Variants in ADAMTS3 observed in about 807,000 individuals in gnomAD.
ADAMTS3 encodes the protein ADAM metallopeptidase with thrombospondin type 1 motif 3.
In ADAMTS3, 73 loss-of-function variants were observed where a neutral mutation model predicts 129.0. That is an observed-to-expected ratio of 0.57 (90% confidence interval 0.47 to 0.69). ADAMTS3 has a LOEUF of 0.69. ADAMTS3 is among the 30% of genes least tolerant of loss of function. The pLI is 0.00. For missense variants in ADAMTS3, 1,457 were observed against 1,514.5 expected, an observed-to-expected ratio of 0.96 and a Z score of 0.63; for synonymous variants, 477 against 510.8, an observed-to-expected ratio of 0.93 and a Z score of 0.89.
intron 17 of ADAMTS3, among the ~76,000 whole-genome samples, chr4:72,299,051 T>TTG (rs1273918691): frequency 1.6e-5 from 2 of 122,294 alleles, no homozygotes; most frequent in African/African-American, 7.0e-5. Flanking sequence ...GATATTTGCA[T>TTG]TCTGTGTGTG....
chr4:72,446,718 C>A (rs1718262140), intron 3 of ADAMTS3, among the ~76,000 whole-genome samples: 1 of 151,690 alleles, frequency 6.6e-6, no homozygotes, highest in African/African-American at 2.4e-5. Context: ...ATGCTCAGTG[C>A]AAACTCATGA....
chr4:72,384,000 C>A (rs1721370270), intron 4 of ADAMTS3, among the ~76,000 whole-genome samples: 1 of 151,204 alleles, frequency 6.6e-6, no homozygotes. Flanking sequence ...ATACTGAATA[C>A]TAATAATACA....
chr4:72,496,528 C>A (rs1674322886), intron 3 of ADAMTS3, among the ~76,000 whole-genome samples: 1 of 152,072 alleles, frequency 6.6e-6, no homozygotes, highest in Admixed American at 6.6e-5. Context: ...CGCTATATGG[C>A]ATAGGTATAT....
intron 3 of ADAMTS3, among the ~76,000 whole-genome samples, chr4:72,446,767 A>C (rs972722803): frequency 6.6e-6 from 1 of 151,700 alleles, no homozygotes; most frequent in African/African-American, 2.4e-5. Context: ...AAGCAGAATC[A>C]TCATTTCCAG....
intron 3 of ADAMTS3, among the ~76,000 whole-genome samples, chr4:72,415,344 A>G (rs1050784673): frequency 6.6e-6 from 1 of 151,966 alleles, no homozygotes; most frequent in African/African-American, 2.4e-5. Context: ...AAAAATCTCT[A>G]ATTTCCCAAA....
chr4:72,304,084 A>C lies in ADAMTS3; in HGVS notation c.2261-4T>G. On this transcript the variant is annotated splice_polypyrimidine_tract_variant and splice_region_variant and intron_variant, in intron 16 of 21. Transcript: ENST00000286657. Reference sequence around the variant, plus strand: ...CCTGTAGCCTGGTTCTTAATAGCTAAAGGGAGAAAAATGAGTAACCAGCAT... The same window carrying C: ...CCTGTAGCCTGGTTCTTAATAGCTACAGGGAGAAAAATGAGTAACCAGCAT... 1 of 1,612,416 alleles carries C rather than the reference A, an allele frequency of 6.2e-7. No individual in the cohort carries two copies. The highest frequency in any genetic ancestry group is 1.1e-5 in the South Asian group (1 of 90,854).
chr4:72,469,704 CCCTCCTCCTCCG>C (rs1191983502), intron 3 of ADAMTS3, among the ~76,000 whole-genome samples: 1 of 151,994 alleles, frequency 6.6e-6, no homozygotes, highest in Non-Finnish European at 1.5e-5. Flanking sequence ...CAAGACCAAC[CCCTCCTCCTCCG>C]CCTCCTCTCC....
In ADAMTS3 at chr4:72,368,564, A is replaced by G. The variant is rs142582816; in HGVS notation, c.662-28871T>C. 1.4e-4 allele frequency among the ~76,000 whole-genome samples: 21 copies of G among 152,344 alleles called. No homozygotes were observed. The Middle Eastern group carries it at 0.01, about 74-fold the overall frequency. ...AATGTTGGGATGATCTGAAATAAATATTTTGAAGAATACAGGTATGCTAAT... is the reference window on the plus strand; with the variant it reads ...AATGTTGGGATGATCTGAAATAAATGTTTTGAAGAATACAGGTATGCTAAT... On this transcript the variant is annotated intron_variant, in intron 4 of 21. Transcript: ENST00000286657.
In ADAMTS3 at chr4:72,295,729, C is replaced by T. The variant is rs1419506592; in HGVS notation, c.2648G>A (p.Arg883His). The T allele has an allele frequency of 9.9e-6, 16 of 1,612,734 alleles. No homozygotes were observed. The highest frequency in any genetic ancestry group is 4.5e-5 in the East Asian group (2 of 44,812). ...RRKSDNKMVH[R>H]SFCEANKKPK... ...CTTTTTGTTGGCCTCACAGAAGCTG[C>T]GATGGACCATTTTATTATCACTTTT... is the stretch of plus-strand genomic sequence containing the variant. Residue 883 changes from arginine (R) to histidine (H), a missense_variant, in exon 19 of 22, where the codon CGC (arginine) becomes CAC (histidine). By Grantham distance (29) the Arg-to-His change is conservative. Transcript: ENST00000286657.
In ADAMTS3 at chr4:72,299,251, G is replaced by C. The variant is rs150305894; in HGVS notation, c.2425-809C>G. 5.9e-4 allele frequency among the ~76,000 whole-genome samples: 90 copies of C among 152,142 alleles called. No individual in the cohort carries two copies. The East Asian group carries it at 0.016, about 27-fold the overall frequency. On this transcript the variant is annotated intron_variant, in intron 17 of 21. Transcript: ENST00000286657. Reference sequence around the variant, plus strand: ...GAATGGAAGGAGGGCTGAATGATGGGAACTTGCTTGGTGGGTACAATGTGC... The same window carrying C: ...GAATGGAAGGAGGGCTGAATGATGGCAACTTGCTTGGTGGGTACAATGTGC...
chr4:72,530,618 A>G (rs1470975933), intron 3 of ADAMTS3, among the ~76,000 whole-genome samples: 1 of 86,828 alleles, frequency 1.2e-5, no homozygotes, highest in African/African-American at 4.7e-5. Context: ...ATATTATATA[A>G]TATATATTAT....
At chr4:72,346,613 A>G (rs1315203094) in intron 4 of ADAMTS3, among the ~76,000 whole-genome samples, 2 of 152,144 alleles carry the variant, frequency 1.3e-5, no homozygotes, top group Non-Finnish European at 2.9e-5. Context: ...GTTGTCAGAT[A>G]AAATAAAGTA....
chr4:72,540,750 C>T (rs1162820680), intron 3 of ADAMTS3, among the ~76,000 whole-genome samples: 2 of 152,220 alleles, frequency 1.3e-5, no homozygotes, highest in African/African-American at 4.8e-5. Flanking sequence ...GGGTGCAAGT[C>T]CCAAGCCTTG....
chr4:72,528,193 CTCTT>C (rs1477867696), intron 3 of ADAMTS3, among the ~76,000 whole-genome samples: 1 of 149,650 alleles, frequency 6.7e-6, no homozygotes, highest in African/African-American at 2.5e-5. Context: ...TTTATGATCT[CTCTT>C]TTTTTAATTC....
At chr4:72,560,014 G>C (rs934837825) in intron 2 of ADAMTS3, among the ~76,000 whole-genome samples, 1 of 151,564 alleles carries the variant, frequency 6.6e-6, no homozygotes, top group African/African-American at 2.4e-5. Context: ...CAGTGGAACA[G>C]AACAGAGAAC....
chr4:72,424,189 G>T (rs1004954486), intron 3 of ADAMTS3, among the ~76,000 whole-genome samples: 1 of 151,890 alleles, frequency 6.6e-6, no homozygotes, highest in African/African-American at 2.4e-5. Flanking sequence ...CTGTTATCTC[G>T]AAAGCATCTC....
At chr4:72,418,305 A>G (rs1722361404) in intron 3 of ADAMTS3, among the ~76,000 whole-genome samples, 1 of 152,116 alleles carries the variant, frequency 6.6e-6, no homozygotes, top group Non-Finnish European at 1.5e-5. Flanking sequence ...ATATTCACAT[A>G]GTGTGGCAGC....
In ADAMTS3 at chr4:72,283,316, G is replaced by A. The variant is rs574561712; in HGVS notation, c.3438C>T (p.Thr1146=). 23 of 1,613,916 alleles carry A rather than the reference G, an allele frequency of 1.4e-5. No individual in the cohort carries two copies. Among genetic ancestry groups the A allele is most frequent in the Admixed American group, 5.0e-5 (3 of 60,002 alleles). Residue 1146 remains threonine (T), a synonymous_variant, in exon 22 of 22, where the codon ACC becomes ACT. Coordinates refer to ENST00000286657, the MANE Select transcript of ADAMTS3 (RefSeq NM_014243.3). ...TCTTGGTGGGTGGGGAGGATGGTAC[G>A]GTGACCAGTCTCACAGTCTTACTTC... is the stretch of plus-strand genomic sequence containing the variant. ...QAGSKTVRLV[T]VPSSPPTKRV...
chr4:72,429,267 G>A (rs540225720), intron 3 of ADAMTS3, among the ~76,000 whole-genome samples: 25 of 151,848 alleles, frequency 1.6e-4, no homozygotes, highest in Middle Eastern at 3.2e-3. Context: ...TGTAATAATC[G>A]AAATACATAA....
Sources: gnomAD v4.1 joint callset for allele counts (sites outside exome capture counted in the v4.1 genomes callset) on GRCh38, gnomAD v4.1.1 for gene constraint, MANE v1.5 for transcripts, NCBI Gene and HGNC (gene_info 2026-07-23, HGNC 2026-07-21) for gene names.